CDH1: variants seen among roughly 807,000 people sequenced by gnomAD.
The protein encoded by CDH1 is cadherin-1.
Under a neutral mutation model 84.5 loss-of-function variants are expected in CDH1, and 35 were observed. The ratio of observed to expected loss-of-function variants is 0.41; its 90% confidence interval spans 0.32 to 0.55. The LOEUF is 0.55. Among genes scored for constraint, CDH1 ranks in the 20% least tolerant of loss-of-function variants. CDH1 has a pLI of 0.19. For synonymous variants in CDH1, 417 were observed against 439.0 expected (o/e 0.95, Z 0.63); for missense variants, 994 against 1,126.6 (o/e 0.88, Z 1.68).
chr16:68,775,713 G>A (rs1448480653), intron 2 of CDH1, among the ~76,000 whole-genome samples: 4 of 152,174 alleles, frequency 2.6e-5, no homozygotes. Flanking sequence ...TACATCTGAA[G>A]CGTCTAAGAT....
rs5817653 is a variant in CDH1, at chr16:68,804,824, CTTTTTTTTTT to C, written c.387+2945_387+2954del. ...AAACAACATATCCAGGTAACAAAAT[CTTTTTTTTTT>C]TTTTTTTTTTTTTGGAGACAGAGTC... On this transcript the variant is annotated intron_variant, in intron 3 of 15. Transcript: ENST00000261769. Among the ~76,000 whole-genome samples the C allele has an allele frequency of 6.3e-3, 439 of 69,724 alleles. 11 individuals carry two copies. The highest frequency in any genetic ancestry group is 0.027 in the African/African-American group (401 of 15,038). The allele number at this position is 69,724 out of a possible 152,430, so 45.7% of individuals were successfully genotyped here. A position where few individuals can be genotyped will look rare whatever the true frequency, so the allele number is the denominator to read the frequency against.
chr16:68,793,541 C>T (rs151180121), intron 2 of CDH1, among the ~76,000 whole-genome samples: 5 of 152,282 alleles, frequency 3.3e-5, no homozygotes, highest in East Asian at 3.9e-4. Context: ...CTACAGCTTC[C>T]GTCACTTCAT....
At position 68,822,060 on chromosome 16, in the gene CDH1, A is replaced by G. The variant is rs751291956; in HGVS notation, c.1771A>G (p.Asn591Asp). ...GCTGATCCTGTCTGATGTGAATGACAACGCCCCCATACCAGAACCTCGAAC... is the reference window on the plus strand; with the variant it reads ...GCTGATCCTGTCTGATGTGAATGACGACGCCCCCATACCAGAACCTCGAAC... The part of the protein sequence containing the change: ...LLLILSDVND[N>D]APIPEPRTIF... The change falls in exon 12 of 16, where the codon AAC (asparagine) becomes GAC (aspartate). Residue 591 changes from asparagine (N) to aspartate (D), a missense_variant. Asn to Asp is a conservative substitution (Grantham distance 23, BLOSUM62 1). Around this residue, in one of 3 missense-constraint regions of CDH1, gnomAD observed 769 missense variants for 881.8 expected, o/e 0.87. Transcript: ENST00000261769. The G allele has an allele frequency of 6.2e-7, 1 of 1,614,160 alleles. No homozygotes were observed. Among genetic ancestry groups the G allele is most frequent in the Non-Finnish European group, 8.5e-7 (1 of 1,180,032 alleles).
intron 2 of CDH1, among the ~76,000 whole-genome samples, chr16:68,742,819 G>C (rs2152115588): frequency 6.6e-6 from 1 of 152,314 alleles, no homozygotes; most frequent in South Asian, 2.1e-4. Context: ...CCAGAAACCA[G>C]CTTTGGGATC....
chr16:68,828,388 C>G (rs2152141721), intron 14 of CDH1, 84 bp downstream of exon 14: 3 of 1,404,884 alleles, frequency 2.1e-6, no homozygotes, highest in East Asian at 4.6e-5. Flanking sequence ...GCATTTGAAA[C>G]AGCTCTGAAT....
intron 2 of CDH1, among the ~76,000 whole-genome samples, chr16:68,768,493 T>C (rs1405499184): frequency 2.6e-5 from 4 of 152,198 alleles, no homozygotes; most frequent in African/African-American, 9.6e-5. Flanking sequence ...CCTTGGACTT[T>C]CCATTGATAT....
rs201700251 is a variant in CDH1 at position 68,826,830 on chromosome 16, A to T, written c.2165-1344A>T. Among the ~76,000 whole-genome samples the T allele has an allele frequency of 3.0e-4, 45 of 152,270 alleles. 1 individual carries two copies. The East Asian group carries it at 4.2e-3, about 14-fold the overall frequency. On this transcript the variant is annotated intron_variant, in intron 13 of 15. Coordinates refer to ENST00000261769, the MANE Select transcript of CDH1 (RefSeq NM_004360.5). The stretch of plus-strand genomic sequence containing the variant: ...TCAGTGCTGTCTCCCTGTGCAGCCA[A>T]TTCAGTGTTCTTGTTGATGAATCAT...
chr16:68,797,235 A>G (rs960364072), intron 2 of CDH1, among the ~76,000 whole-genome samples: 1 of 152,176 alleles, frequency 6.6e-6, no homozygotes, highest in African/African-American at 2.4e-5. Flanking sequence ...AACAATAATT[A>G]AAAATTTGCT....
intron 2 of CDH1, among the ~76,000 whole-genome samples, chr16:68,778,028 G>A (rs531362675): frequency 1.3e-5 from 2 of 150,210 alleles, no homozygotes; most frequent in Admixed American, 1.3e-4. Context: ...CACCATGCCT[G>A]GCCAGAAATT....
intron 2 of CDH1, among the ~76,000 whole-genome samples, chr16:68,764,885 G>T (rs192298473): frequency 6.6e-6 from 1 of 152,294 alleles, no homozygotes; most frequent in East Asian, 1.9e-4. Flanking sequence ...CTCCTAGTGC[G>T]GTGACGGTAG....
At chr16:68,744,754 G>A (rs574405344) in intron 2 of CDH1, among the ~76,000 whole-genome samples, 9 of 152,258 alleles carry the variant, frequency 5.9e-5, no homozygotes, top group African/African-American at 2.2e-4. Flanking sequence ...GAGCATAATA[G>A]CATGGAGACA....
rs146777134 is a variant in CDH1, at chr16:68,808,763, C to A, written c.602C>A (p.Pro201His). 6.2e-7 allele frequency: 1 copy of A among 1,614,146 alleles called. No individual in the cohort carries two copies. The highest frequency in any genetic ancestry group is 8.5e-7 in the Non-Finnish European group (1 of 1,179,990). The change falls in exon 5 of 16, where the codon CCT becomes CAT. Residue 201 changes from proline (P) to histidine (H), a missense_variant. By Grantham distance (77) the Pro-to-His change is moderately conservative. Coordinates refer to ENST00000261769, the MANE Select transcript of CDH1 (RefSeq NM_004360.5). ...SITGQGADTP[P>H]VGVFIIERET... ...ACTGGCCAAGGAGCTGACACACCCC[C>A]TGTTGGTGTCTTTATTATTGAAAGA...
chr16:68,826,795 A>G (rs13330170), intron 13 of CDH1, among the ~76,000 whole-genome samples: 3,288 of 152,210 alleles, frequency 0.022, 75 homozygotes, highest in African/African-American at 0.058. Flanking sequence ...TGTAGCTCCT[A>G]TAGTCTTGTT....
chr16:68,833,763 A>C lies in CDH1; in HGVS notation c.*264A>C, dbSNP rs1430262792. 2 of 491,560 alleles carry C rather than the reference A, an allele frequency of 4.1e-6. No individual in the cohort carries two copies. Among genetic ancestry groups the C allele is most frequent in the Non-Finnish European group, 7.4e-6 (2 of 271,068 alleles). The allele number at this position is 491,560 out of a possible 1,614,324, so 30.4% of individuals were successfully genotyped here. A position where few individuals can be genotyped will look rare whatever the true frequency, so the allele number is the denominator to read the frequency against. On this transcript the variant is annotated 3_prime_UTR_variant, in exon 16 of 16. Transcript: ENST00000261769. ...GGTGGTGATGTCCAAAAGATACCCA[A>C]ATTTTAATATTCCAGAAGAACAACT...
intron 13 of CDH1, 102 bp from the exon 14 acceptor site, chr16:68,828,072 C>G (rs1350841082): frequency 2.4e-5 from 32 of 1,340,558 alleles, no homozygotes; most frequent in Non-Finnish European, 3.2e-5. Context: ...GGCTGTCTAA[C>G]TGCCCCCTGT....
At chr16:68,806,631 C>T (rs937095640) in intron 3 of CDH1, among the ~76,000 whole-genome samples, 5 of 152,234 alleles carry the variant, frequency 3.3e-5, no homozygotes. Flanking sequence ...ACCAGCATCT[C>T]ATTTAATCCT....
At position 68,801,618 on chromosome 16, in the gene CDH1, TC is replaced by T. The variant is rs1349097728; in HGVS notation, c.164-51del. The T allele has an allele frequency of 4.1e-6, 6 of 1,464,070 alleles. No individual in the cohort carries two copies. The Admixed American group carries it at 1.0e-4, about 24-fold the overall frequency. The allele number at this position is 1,464,070 out of a possible 1,614,324, so 90.7% of individuals were successfully genotyped here. ...AGTTCGCTCTTTGGAGAAGGAATGC[TC>T]TTGTCTTTAATCTGTCCAATTTCCT... On this transcript the variant is annotated intron_variant, in intron 2 of 15. Transcript: ENST00000261769.
At chr16:68,762,339 T>G (rs1228672704) in intron 2 of CDH1, among the ~76,000 whole-genome samples, 2 of 152,186 alleles carry the variant, frequency 1.3e-5, no homozygotes, top group Non-Finnish European at 2.9e-5. Flanking sequence ...TGGGTTCCTT[T>G]ATGCTCCCCC....
intron 2 of CDH1, among the ~76,000 whole-genome samples, chr16:68,745,995 T>C (rs1168714158): frequency 3.9e-5 from 6 of 152,168 alleles, no homozygotes; most frequent in Non-Finnish European, 5.9e-5. Flanking sequence ...TTTTTTTGTA[T>C]TTTTGTAGAG....
Sources: allele counts gnomAD v4.1 joint callset (sites outside exome capture counted in the v4.1 genomes callset), GRCh38; gene constraint gnomAD v4.1.1; regional missense constraint gnomAD v4.1.1; transcripts MANE v1.5; gene names NCBI Gene and HGNC (gene_info 2026-07-23, HGNC 2026-07-21).